CERS3: variants seen among roughly 807,000 people sequenced by gnomAD.
The protein encoded by CERS3 is ceramide synthase 3.
Under a neutral mutation model 50.3 loss-of-function variants are expected in CERS3, and 33 were observed. The ratio of observed to expected loss-of-function variants is 0.66; its 90% CI spans 0.50 to 0.88. CERS3 has a LOEUF of 0.88. Among genes scored for constraint, CERS3 ranks in the 40% least tolerant of loss-of-function variants. CERS3 has a pLI of 0.00. For synonymous variants in CERS3, 176 were observed against 155.2 expected, an observed-to-expected ratio of 1.13 and a Z score of -0.99; for missense variants, 470 against 460.3, an observed-to-expected ratio of 1.02 and a Z score of -0.19.
intron 1 of CERS3, among the ~76,000 whole-genome samples, chr15:100,525,767 T>G (rs897138728): frequency 6.6e-6 from 1 of 152,222 alleles, no homozygotes; most frequent in Non-Finnish European, 1.5e-5. Context: ...CAAGGACAAA[T>G]CTTAAGGCAG....
At chr15:100,512,574 C>A (rs55737032) in intron 2 of CERS3, among the ~76,000 whole-genome samples, 49,196 of 152,014 alleles carry the variant, frequency 0.32, 8,125 homozygotes, top group East Asian at 0.37. Context: ...TGTGGGGAGC[C>A]TCTTCCTTGG....
rs142997394 is a variant in CERS3, at chr15:100,518,882, G to C, written c.-2+2785C>G. Among the ~76,000 whole-genome samples the C allele has an allele frequency of 6.6e-3, 1,006 of 152,294 alleles. 15 individuals are homozygous for C. Among genetic ancestry groups the C allele is most frequent in the African/African-American group, 0.023 (961 of 41,538 alleles). The stretch of plus-strand genomic sequence containing the variant: ...TATTTTATTTTAAAAAATTCCACCT[G>C]GCTGGGTGTGGTGGCTCATGCCTGT... On this transcript the variant is annotated intron_variant, in intron 2 of 11. Transcript: ENST00000679737.
At position 100,476,168 on chromosome 15, in the gene CERS3, G is replaced by A; in HGVS notation, c.527C>T (p.Pro176Leu). ...TAAAATGTAGTACCAGTACTGGGAT[G>A]GCAGCAGGGGCTGAGGAAAAGAAGA... ...WNGYPKQPLL[P>L]SQYWYYILEM... Residue 176 changes from proline (P) to leucine (L), a missense_variant, in exon 8 of 12, where the codon CCA (proline) becomes CTA (leucine). Physicochemically the swap from Pro to Leu is moderately conservative, Grantham distance 98 (BLOSUM62 -3). Transcript: ENST00000679737. 1 of 1,564,002 alleles carries A rather than the reference G, an allele frequency of 6.4e-7. No homozygotes were observed. The highest frequency in any genetic ancestry group is 8.6e-7 in the Non-Finnish European group (1 of 1,162,054).
intron 11 of CERS3, among the ~76,000 whole-genome samples, chr15:100,450,549 C>T (rs1434849586): frequency 1.3e-5 from 2 of 151,376 alleles, no homozygotes; most frequent in African/African-American, 2.4e-5. Flanking sequence ...ACATAGCCTA[C>T]AGGACATATG....
At chr15:100,441,534 C>G (rs568426291) in intron 11 of CERS3, among the ~76,000 whole-genome samples, 2 of 151,894 alleles carry the variant, frequency 1.3e-5, no homozygotes, top group African/African-American at 4.8e-5. Context: ...CTATGGGCAA[C>G]CTTCCACCCT....
intron 10 of CERS3, among the ~76,000 whole-genome samples, chr15:100,468,969 G>C (rs567357831): frequency 6.6e-6 from 1 of 152,138 alleles, no homozygotes; most frequent in Non-Finnish European, 1.5e-5. Context: ...ATATGGGAAG[G>C]ACCTAATCCA....
chr15:100,505,020 T>C (rs986372452), intron 2 of CERS3, among the ~76,000 whole-genome samples: 2 of 152,210 alleles, frequency 1.3e-5, no homozygotes, highest in African/African-American at 4.8e-5. Flanking sequence ...CTCTCTGTAA[T>C]GGACAAAGCT....
At chr15:100,402,904 C>G in intron 11 of CERS3, 39 bp from the exon 12 acceptor site, 1 of 1,551,490 alleles carries the variant, frequency 6.4e-7, no homozygotes, top group South Asian at 1.2e-5. Flanking sequence ...TGACAATCTT[C>G]CAGGAAGAGT....
At chr15:100,440,526 C>G (rs1361246516) in intron 11 of CERS3, among the ~76,000 whole-genome samples, 2 of 152,228 alleles carry the variant, frequency 1.3e-5, no homozygotes, top group Admixed American at 1.3e-4. Flanking sequence ...TCGGACTCAG[C>G]CTGCCTGCAC....
intron 2 of CERS3, among the ~76,000 whole-genome samples, chr15:100,503,192 C>G (rs900591898): frequency 6.6e-6 from 1 of 152,162 alleles, no homozygotes; most frequent in African/African-American, 2.4e-5. Flanking sequence ...TCTGTCAAAA[C>G]CTCTTAATCG....
intron 11 of CERS3, among the ~76,000 whole-genome samples, chr15:100,413,443 C>T (rs36044613): frequency 0.052 from 7,885 of 151,578 alleles, 288 homozygotes; most frequent in Non-Finnish European, 0.075. Context: ...AGGAAGAAAC[C>T]GAATGTGATA....
chr15:100,463,897 G>T (rs1387587723), intron 10 of CERS3, among the ~76,000 whole-genome samples: 9 of 152,296 alleles, frequency 5.9e-5, no homozygotes, highest in East Asian at 1.9e-4. Context: ...GCCTTCAGAG[G>T]AAAAGAAGGG....
intron 10 of CERS3, among the ~76,000 whole-genome samples, chr15:100,467,850 T>TATAGATAGATAGATAG (rs1555528323): frequency 0.12 from 11,330 of 93,034 alleles, 875 homozygotes; most frequent in East Asian, 0.19. Context: ...TATATATATA[T>TATAGATAGATAGATAG]ATAGATAGAT....
At position 100,476,478 on chromosome 15, in the gene CERS3, A is replaced by T. The variant is rs562110128; in HGVS notation, c.517-300T>A. On this transcript the variant is annotated intron_variant, in intron 7 of 11. Transcript: ENST00000679737. ...TATTCAGAGTCAAGTTTAAATTTTT[A>T]AAAAAATTAAAAATCTTTACTTAGG... Among the ~76,000 whole-genome samples, 67 of 152,300 alleles carry T rather than the reference A, an allele frequency of 4.4e-4. 1 individual carries two copies. The highest frequency in any genetic ancestry group is 3.4e-3 in the Middle Eastern group (1 of 294).
chr15:100,529,436 C>A (rs1465150960), upstream of CERS3, among the ~76,000 whole-genome samples: 1 of 152,198 alleles, frequency 6.6e-6, no homozygotes, highest in Non-Finnish European at 1.5e-5. Context: ...TTTTTTGAAG[C>A]ATATAACTGC....
At chr15:100,511,273 A>G (rs1255990308) in intron 2 of CERS3, among the ~76,000 whole-genome samples, 1 of 152,216 alleles carries the variant, frequency 6.6e-6, no homozygotes, top group Non-Finnish European at 1.5e-5. Context: ...TGCGTGACAG[A>G]GCAAGACTCC....
intron 7 of CERS3, among the ~76,000 whole-genome samples, chr15:100,478,500 T>C (rs1004933281): frequency 1.3e-5 from 2 of 152,052 alleles, no homozygotes; most frequent in African/African-American, 2.4e-5. Context: ...CTAATCCCCA[T>C]AGGGCTAAAG....
At chr15:100,476,301 G>A (rs2035125405) in intron 7 of CERS3, 123 bp from the exon 8 acceptor site, 5 of 489,392 alleles carry the variant, frequency 1.0e-5, no homozygotes, top group Non-Finnish European at 1.8e-5. Flanking sequence ...AACATTGACT[G>A]ATATTTCAAT....
chr15:100,429,669 G>T (rs532989808), intron 11 of CERS3, among the ~76,000 whole-genome samples: 14 of 152,074 alleles, frequency 9.2e-5, no homozygotes, highest in Non-Finnish European at 1.6e-4. Context: ...TAAAGATAAT[G>T]AACTCCTCTT....
Sources: gnomAD v4.1 joint callset for allele counts (sites outside exome capture counted in the v4.1 genomes callset) on GRCh38, gnomAD v4.1.1 for gene constraint, MANE v1.5 for transcripts, NCBI Gene and HGNC (gene_info 2026-07-23, HGNC 2026-07-21) for gene names.